The following GPR155 variants were observed in gnomAD, a reference collection of about 807,000 sequenced individuals.
The protein encoded by GPR155 is G protein-coupled receptor 155.
GPR155 carries 65 observed loss-of-function variants against 93.1 expected under a neutral mutation model. The ratio of observed to expected loss-of-function variants is 0.70; its 90% confidence interval spans 0.57 to 0.86. The LOEUF is 0.86. GPR155 is among the 40% of genes least tolerant of loss of function. The probability of loss-of-function intolerance (pLI) is 0.00; values close to 1 mark genes in which losing one functional copy is unlikely to be tolerated. For missense variants in GPR155, 838 were observed against 1,034.8 expected (o/e 0.81, Z 2.61); for synonymous variants, 319 against 360.1 (o/e 0.89, Z 1.29).
intron 12 of GPR155, 89 bp downstream of exon 12, chr2:174,446,522 G>A: frequency 8.1e-7 from 1 of 1,231,038 alleles, no homozygotes; most frequent in Non-Finnish European, 1.2e-6. Flanking sequence ...CTGGAAAGCA[G>A]CAACTAAGTT....
Position 174,468,975 on chromosome 2 carries a change from C to T in GPR155, c.1119G>A (p.Lys373=), listed in dbSNP as rs769513799. The T allele has an allele frequency of 6.2e-7, 1 of 1,613,968 alleles. No homozygotes were observed. The highest frequency in any genetic ancestry group is 1.7e-5 in the Admixed American group (1 of 60,022). ...CATTCTGGATGGCATATGCCAATGGCTTAGGGTCCATAGTGGGAAAGGTCA... is the reference window on the plus strand; with the variant it reads ...CATTCTGGATGGCATATGCCAATGGTTTAGGGTCCATAGTGGGAAAGGTCA... ...WLLTFPTMDP[K]PLAYAIQNVS... Residue 373 remains lysine (K), a synonymous_variant, in exon 5 of 16, where the codon AAG becomes AAA. Transcript: ENST00000392552.
intron 12 of GPR155, among the ~76,000 whole-genome samples, chr2:174,446,317 AAAATAAAAAAT>A (rs1206929785): frequency 3.6e-4 from 3 of 8,332 alleles, no homozygotes; most frequent in East Asian, 9.7e-3. Context: ...AAAAAAAAAA[AAAATAAAAAAT>A]AAAAAGAAAT....
In GPR155 at chr2:174,435,461, A is replaced by ATTTATTTTATTTTATT. The variant is rs71407115; in HGVS notation, c.*654_*655insAATAAAATAAAATAAA. On this transcript the variant is annotated 3_prime_UTR_variant, in exon 16 of 16. Coordinates refer to ENST00000392552, the MANE Select transcript of GPR155 (RefSeq NM_152529.7). ...ATGCAAATACTACACCATTTTATTA[A>ATTTATTTTATTTTATT]TTATTTTATTTTATTTTATTTTATT... The ATTTATTTTATTTTATT allele has an allele frequency of 6.7e-6, 1 of 148,416 alleles. No homozygotes were observed. Among genetic ancestry groups the ATTTATTTTATTTTATT allele is most frequent in the Non-Finnish European group, 1.5e-5 (1 of 67,150 alleles). 9.2% of individuals were successfully genotyped at this position (148,416 alleles called of 1,614,324 possible).
intron 11 of GPR155, among the ~76,000 whole-genome samples, chr2:174,452,497 C>G (rs1024975099): frequency 1.3e-5 from 2 of 152,094 alleles, no homozygotes; most frequent in Non-Finnish European, 2.9e-5. Context: ...TCAAAAAGAG[C>G]ATTTTTGGGG....
intron 3 of GPR155, among the ~76,000 whole-genome samples, chr2:174,471,703 G>A (rs1688003724): frequency 6.6e-6 from 1 of 152,022 alleles, no homozygotes; most frequent in Admixed American, 6.6e-5. Context: ...ATGGAGTAAA[G>A]AACTACTCTG....
chr2:174,442,434 A>G (rs1010400760), intron 13 of GPR155, among the ~76,000 whole-genome samples: 1 of 152,226 alleles, frequency 6.6e-6, no homozygotes, highest in African/African-American at 2.4e-5. Context: ...CATTTACATG[A>G]TAGTAAAATG....
At chr2:174,478,571 C>CTAAA (rs1688232802) in intron 2 of GPR155, among the ~76,000 whole-genome samples, 1 of 152,166 alleles carries the variant, frequency 6.6e-6, no homozygotes, top group African/African-American at 2.4e-5. Context: ...AATAATACAT[C>CTAAA]ATTTTAATGT....
chr2:174,471,347 T>C (rs899653433), intron 3 of GPR155, among the ~76,000 whole-genome samples: 1 of 142,382 alleles, frequency 7.0e-6, no homozygotes, highest in Non-Finnish European at 1.5e-5. Flanking sequence ...GCTGAGATCA[T>C]GCCAGCCATT....
At chr2:174,447,532 A>T (rs1218324090) in intron 11 of GPR155, among the ~76,000 whole-genome samples, 1 of 146,048 alleles carries the variant, frequency 6.8e-6, no homozygotes, top group Non-Finnish European at 1.5e-5. Flanking sequence ...ATATAATTAT[A>T]TATGTAATTT....
At chr2:174,483,006 A>G (rs1368657106) in intron 1 of GPR155, 1 of 152,074 alleles carries the variant, frequency 6.6e-6, no homozygotes. Flanking sequence ...TCCCACCAAT[A>G]TACCTTTAGC....
chr2:174,468,386 T>A (rs1687899741), intron 5 of GPR155, among the ~76,000 whole-genome samples: 2 of 152,320 alleles, frequency 1.3e-5, no homozygotes, highest in South Asian at 4.1e-4. Context: ...ACTTAATTAT[T>A]TAATTTTAGT....
chr2:174,455,795 A>T (rs1460628517), intron 10 of GPR155, among the ~76,000 whole-genome samples: 2 of 152,234 alleles, frequency 1.3e-5, no homozygotes, highest in Non-Finnish European at 1.5e-5. Context: ...AGTACCTTTG[A>T]CAAAGAGAAC....
chr2:174,455,749 A>G (rs1462105622), intron 10 of GPR155, among the ~76,000 whole-genome samples: 2 of 152,256 alleles, frequency 1.3e-5, no homozygotes, highest in African/African-American at 4.8e-5. Context: ...TGATGGAACC[A>G]CTAAAAGAAA....
intron 2 of GPR155, among the ~76,000 whole-genome samples, chr2:174,479,894 C>T (rs1247086852): frequency 6.6e-6 from 1 of 152,130 alleles, no homozygotes; most frequent in African/African-American, 2.4e-5. Context: ...ATTTGTAGCT[C>T]AATTATCTAT....
intron 12 of GPR155, 45 bp from the exon 13 acceptor site, chr2:174,445,221 A>T (rs1282890869): frequency 1.1e-6 from 1 of 935,744 alleles, no homozygotes; most frequent in East Asian, 2.4e-5. Context: ...AAGCAAGCTG[A>T]TAATTCCTCT....
intron 11 of GPR155, among the ~76,000 whole-genome samples, chr2:174,448,420 T>G (rs552649239): frequency 4.0e-5 from 6 of 151,658 alleles, no homozygotes; most frequent in Non-Finnish European, 7.4e-5. Context: ...GAAGAAAACC[T>G]AGGAAACACC....
At chr2:174,469,212 C>T (rs1687924986) in intron 4 of GPR155, 145 bp from the exon 5 acceptor site, 1 of 612,592 alleles carries the variant, frequency 1.6e-6, no homozygotes, top group African/African-American at 1.8e-5. Flanking sequence ...TATCCAATAC[C>T]ATACTTCCCC....
rs1215156475 is a variant in GPR155, at chr2:174,459,996, A to G, written c.1653T>C (p.Tyr551=). ...CMNQTAQAGS[Y]EGFDQSQSHK... is the part of the protein sequence containing the mutation. The stretch of plus-strand genomic sequence containing the variant: ...GGCTCTGAGACTGATCGAAACCTTC[A>G]TAGCTTCCTGCTTGGGCAGTCTGGT... The change falls in exon 10 of 16, where the codon TAT becomes TAC. Residue 551 remains tyrosine (Y), a synonymous_variant. Coordinates refer to ENST00000392552, the MANE Select transcript of GPR155 (RefSeq NM_152529.7). The G allele has an allele frequency of 2.5e-6, 4 of 1,614,052 alleles. No individual in the cohort carries two copies. The highest frequency in any genetic ancestry group is 3.4e-6 in the Non-Finnish European group (4 of 1,179,992).
At chr2:174,437,577 CTTTTTTTTTTT>C (rs397871619) in intron 15 of GPR155, among the ~76,000 whole-genome samples, 2 of 107,960 alleles carry the variant, frequency 1.9e-5, no homozygotes, top group Admixed American at 9.9e-5. Flanking sequence ...GGCCTAACAC[CTTTTTTTTTTT>C]TTTTTTTTTT....
Sources: gnomAD v4.1 joint callset for allele counts (sites outside exome capture counted in the v4.1 genomes callset) on GRCh38, gnomAD v4.1.1 for gene constraint, MANE v1.5 for transcripts, NCBI Gene and HGNC (gene_info 2026-07-23, HGNC 2026-07-21) for gene names.